CTNNA1: variants seen among roughly 807,000 people sequenced by gnomAD.
The protein encoded by CTNNA1 is catenin alpha 1, also known as catenin alpha-1.
A neutral mutation model predicts 98.4 loss-of-function variants in CTNNA1; 37 were observed. The observed-to-expected ratio is 0.38, with a 90% CI of 0.29 to 0.49. The LOEUF (loss-of-function observed/expected upper bound fraction) is 0.49. CTNNA1 is among the 20% of genes least tolerant of loss of function. The probability of loss-of-function intolerance (pLI) is 0.95; values close to 1 mark genes in which losing one functional copy is unlikely to be tolerated. For missense variants in CTNNA1, 761 were observed against 1,147.2 expected (o/e 0.66, Z 4.86); for synonymous variants, 404 against 413.2 (o/e 0.98, Z 0.27).
Position 138,887,617 on chromosome 5 carries a change from G to C in CTNNA1, c.1271G>C (p.Arg424Pro). The C allele has an allele frequency of 6.2e-7, 1 of 1,610,900 alleles. No homozygotes were observed. Among genetic ancestry groups the C allele is most frequent in the Non-Finnish European group, 8.5e-7 (1 of 1,179,022 alleles). The change falls in exon 9 of 18, where the codon CGT (arginine) becomes CCT (proline). Residue 424 changes from arginine (R) to proline (P), a missense_variant. This residue lies in a region of CTNNA1 where 287 missense variants were observed against 436.0 expected (regional missense o/e 0.66). Transcript: ENST00000302763. ...KEVKEYAQVF[R>P]EHANKLIEVA... ...GTTAAGGAGTATGCCCAAGTTTTCCGTGAACATGCCAACAAATTGATTGAG... is the reference window on the plus strand; with the variant it reads ...GTTAAGGAGTATGCCCAAGTTTTCCCTGAACATGCCAACAAATTGATTGAG...
intron 11 of CTNNA1, among the ~76,000 whole-genome samples, chr5:138,923,616 C>A (rs1386216823): frequency 6.6e-6 from 1 of 152,156 alleles, no homozygotes; most frequent in African/African-American, 2.4e-5. Flanking sequence ...CCTCTGCCTC[C>A]TGGGTTCAAG....
chr5:138,913,942 CT>C (rs1167844442), intron 10 of CTNNA1, among the ~76,000 whole-genome samples: 1 of 152,174 alleles, frequency 6.6e-6, no homozygotes, highest in African/African-American at 2.4e-5. Flanking sequence ...CCTTGGCATC[CT>C]GGGTTTAGGC....
intron 13 of CTNNA1, among the ~76,000 whole-genome samples, chr5:138,927,915 T>C (rs1764478251): frequency 6.6e-6 from 1 of 152,084 alleles, no homozygotes; most frequent in South Asian, 2.1e-4. Flanking sequence ...AGTGCTGGCA[T>C]TGTGTTTTGT....
At position 138,934,473 on chromosome 5, in the gene CTNNA1, T is replaced by C. The variant is rs1424995268; in HGVS notation, c.*384T>C. ...GTTGAGAGGGTGCAGTCCAGACAGC[T>C]TGACTGCTTTTAAATGACCAAAGAT... On this transcript the variant is annotated 3_prime_UTR_variant, in exon 18 of 18. Transcript: ENST00000302763. 5.2e-6 allele frequency: 1 copy of C among 190,978 alleles called. No individual in the cohort carries two copies. Among genetic ancestry groups the C allele is most frequent in the Non-Finnish European group, 1.1e-5 (1 of 93,090 alleles). 11.8% of individuals were successfully genotyped at this position (190,978 alleles called of 1,614,324 possible). A position where few individuals can be genotyped will look rare whatever the true frequency, so the allele number is the denominator to read the frequency against.
intron 10 of CTNNA1, among the ~76,000 whole-genome samples, chr5:138,905,431 C>G (rs772286975): frequency 6.6e-6 from 1 of 152,230 alleles, no homozygotes; most frequent in Non-Finnish European, 1.5e-5. Flanking sequence ...AGAGTTACCT[C>G]ACACTATTCA....
intron 10 of CTNNA1, 90 bp downstream of exon 10, chr5:138,904,531 T>C: frequency 6.7e-7 from 1 of 1,495,690 alleles, no homozygotes; most frequent in Non-Finnish European, 9.0e-7. Context: ...TTTTGTTTTG[T>C]TTTTAGGATT....
intron 1 of CTNNA1, among the ~76,000 whole-genome samples, chr5:138,755,620 C>T (rs1477232565): frequency 6.6e-6 from 1 of 152,126 alleles, no homozygotes; most frequent in Admixed American, 6.6e-5. Flanking sequence ...AATCACTGCT[C>T]TGTGCAGTCT....
chr5:138,924,620 A>T lies in CTNNA1; in HGVS notation c.1657A>T (p.Ile553Phe). Residue 553 changes from isoleucine to phenylalanine, a missense_variant, in exon 12 of 18, where the codon ATT becomes TTT. By Grantham distance (21) the Ile-to-Phe change is conservative (BLOSUM62 0). Coordinates refer to ENST00000302763, the MANE Select transcript of CTNNA1 (RefSeq NM_001903.5). ...GAIRGRAARV[I>F]HVVTSEMDNY... ...AATTCGAGGCCGGGCAGCCCGGGTC[A>T]TTCACGTAGTCACCTCAGAGATGGA... 1 of 1,613,800 alleles carries T rather than the reference A, an allele frequency of 6.2e-7. No individual in the cohort carries two copies. Among genetic ancestry groups the T allele is most frequent in the Non-Finnish European group, 8.5e-7 (1 of 1,179,884 alleles).
chr5:138,923,548 A>G (rs1223390638), intron 11 of CTNNA1, among the ~76,000 whole-genome samples: 1 of 152,114 alleles, frequency 6.6e-6, no homozygotes, highest in Non-Finnish European at 1.5e-5. Flanking sequence ...TTTTTGAGAC[A>G]GAGTCTCACT....
intron 13 of CTNNA1, among the ~76,000 whole-genome samples, chr5:138,927,677 C>T (rs1265564057): frequency 6.6e-6 from 1 of 151,544 alleles, no homozygotes; most frequent in Admixed American, 6.6e-5. Context: ...CACTTTGTAT[C>T]TTTAGGGCCC....
In CTNNA1 at chr5:138,810,052, G is replaced by C. The variant is rs746920603; in HGVS notation, c.316G>C (p.Ala106Pro). 1 of 1,605,182 alleles carries C rather than the reference G, an allele frequency of 6.2e-7. No individual in the cohort carries two copies. Among genetic ancestry groups the C allele is most frequent in the South Asian group, 1.1e-5 (1 of 90,458 alleles). ...DVRKQGDLMK[A>P]AAGEFADDPC... is the part of the protein sequence containing the mutation. ...CTGTAAAACAGGTGATTTGATGAAGGCTGCTGCAGGAGAGTTCGCAGATGA... is the reference window on the plus strand; with the variant it reads ...CTGTAAAACAGGTGATTTGATGAAGCCTGCTGCAGGAGAGTTCGCAGATGA... The change falls in exon 4 of 18, where the codon GCT becomes CCT. Residue 106 changes from alanine (A) to proline (P), a missense_variant. By Grantham distance (27) the Ala-to-Pro change is conservative. Coordinates refer to ENST00000302763, the MANE Select transcript of CTNNA1 (RefSeq NM_001903.5).
At chr5:138,827,818 G>C in intron 7 of CTNNA1, 100 bp downstream of exon 7, 1 of 1,412,584 alleles carries the variant, frequency 7.1e-7, no homozygotes, top group Non-Finnish European at 9.6e-7. Context: ...TACCAAATAT[G>C]TCCTTGACTC....
At chr5:138,800,631 T>C (rs1561538701) in intron 3 of CTNNA1, among the ~76,000 whole-genome samples, 1 of 151,848 alleles carries the variant, frequency 6.6e-6, no homozygotes, top group Non-Finnish European at 1.5e-5. Context: ...CCTGTCTCTA[T>C]TGAAAAAAAA....
At chr5:138,904,640 T>C (rs1758779533) in intron 10 of CTNNA1, 199 bp downstream of exon 10, 1 of 646,366 alleles carries the variant, frequency 1.5e-6, no homozygotes, top group African/African-American at 1.8e-5. Context: ...GGAGATTACA[T>C]GTTACTCCTG....
At chr5:138,857,631 A>G (rs529246499) in intron 7 of CTNNA1, among the ~76,000 whole-genome samples, 61 of 152,108 alleles carry the variant, frequency 4.0e-4, no homozygotes, top group African/African-American at 1.4e-3. Context: ...GTGCCTTCCT[A>G]TTTTCTAAAT....
At chr5:138,839,540 A>C (rs930025707) in intron 7 of CTNNA1, among the ~76,000 whole-genome samples, 2 of 152,188 alleles carry the variant, frequency 1.3e-5, no homozygotes, top group African/African-American at 4.8e-5. Flanking sequence ...AGTGTCACTT[A>C]GATCTAGTTG....
chr5:138,932,613 C>T lies in CTNNA1; in HGVS notation c.2334C>T (p.Ala778=), dbSNP rs1580930021. The T allele has an allele frequency of 3.1e-6, 5 of 1,614,172 alleles. No homozygotes were observed. The highest frequency in any genetic ancestry group is 4.2e-6 in the Non-Finnish European group (5 of 1,180,004). ...CGGCTTGCAAGCAGGACCTGCTGGC[C>T]TACCTGCAACGCATCGCCCTCTACT... ...PDSACKQDLL[A]YLQRIALYCH... The change falls in exon 17 of 18, where the codon GCC becomes GCT. Residue 778 remains alanine, a synonymous_variant. Coordinates refer to ENST00000302763, the MANE Select transcript of CTNNA1 (RefSeq NM_001903.5).
chr5:138,916,608 G>T (rs1328400674), intron 10 of CTNNA1, among the ~76,000 whole-genome samples: 1 of 151,512 alleles, frequency 6.6e-6, no homozygotes, highest in Admixed American at 6.6e-5. Flanking sequence ...CTGCACCCTT[G>T]ACCTCCTGGG....
intron 1 of CTNNA1, among the ~76,000 whole-genome samples, chr5:138,755,503 T>G (rs917446856): frequency 1.3e-5 from 2 of 152,202 alleles, no homozygotes; most frequent in African/African-American, 4.8e-5. Flanking sequence ...CTTTCCAAAG[T>G]ATCTTTGTCC....
Sources: gnomAD v4.1 joint callset for allele counts (sites outside exome capture counted in the v4.1 genomes callset) on GRCh38, gnomAD v4.1.1 for gene constraint, gnomAD v4.1.1 regional missense constraint, MANE v1.5 for transcripts, NCBI Gene and HGNC (gene_info 2026-07-23, HGNC 2026-07-21) for gene names.